The following PRR14L variants were observed in gnomAD, a reference collection of about 807,000 sequenced individuals.
PRR14L encodes protein PRR14L.
In PRR14L, 80 loss-of-function variants were observed where a neutral mutation model predicts 155.0. That is an observed-to-expected ratio of 0.52 (90% CI 0.43 to 0.62). PRR14L has a LOEUF of 0.62. PRR14L is among the 20% of genes least tolerant of loss of function. The probability of loss-of-function intolerance (pLI) is 0.00; values close to 1 mark genes in which losing one functional copy is unlikely to be tolerated. For synonymous variants in PRR14L, 883 were observed against 916.0 expected, an observed-to-expected ratio of 0.96 and a Z score of 0.65; for missense variants, 2,469 against 2,548.0, an observed-to-expected ratio of 0.97 and a Z score of 0.67.
rs2074468046 is a variant in PRR14L, at chr22:31,683,928, G to C, written c.*1599C>G. On this transcript the variant is annotated 3_prime_UTR_variant, in exon 9 of 9. Coordinates refer to ENST00000327423, the MANE Select transcript of PRR14L (RefSeq NM_173566.3). ...ATAGACTGACTTGGAAATGTCCCTA[G>C]AACTCTGACGGTTCCCATCGGCGGC... 6.6e-6 allele frequency: 1 copy of C among 152,164 alleles called. No individual in the cohort carries two copies. The highest frequency in any genetic ancestry group is 2.4e-5 in the African/African-American group (1 of 41,432). 9.4% of individuals were successfully genotyped at this position (152,164 alleles called of 1,614,324 possible). A position where few individuals can be genotyped will look rare whatever the true frequency, so the allele number is the denominator to read the frequency against.
intron 3 of PRR14L, among the ~76,000 whole-genome samples, chr22:31,721,714 G>C (rs959110536): frequency 2.0e-5 from 3 of 152,102 alleles, no homozygotes; most frequent in African/African-American, 7.2e-5. Context: ...CTACCATACA[G>C]AAAAGACAAA....
intron 2 of PRR14L, 74 bp downstream of exon 2, chr22:31,738,313 T>G: frequency 8.3e-7 from 1 of 1,205,318 alleles, no homozygotes; most frequent in Non-Finnish European, 1.2e-6. Flanking sequence ...GAGCCAACCG[T>G]CAGCATCTGT....
chr22:31,697,301 C>CAAAAAA, intron 7 of PRR14L, among the ~76,000 whole-genome samples: 1 of 58,600 alleles, frequency 1.7e-5, no homozygotes, highest in South Asian at 6.7e-4. Flanking sequence ...TACTCTGTCT[C>CAAAAAA]AAAAAAAAAA....
At chr22:31,740,365 GTGTGC>G (rs1484056736) in intron 1 of PRR14L, among the ~76,000 whole-genome samples, 1 of 152,150 alleles carries the variant, frequency 6.6e-6, no homozygotes, top group Non-Finnish European at 1.5e-5. Flanking sequence ...GACTACAGGC[GTGTGC>G]CACCACGCCC....
intron 4 of PRR14L, among the ~76,000 whole-genome samples, chr22:31,711,201 T>C (rs2074619213): frequency 6.6e-6 from 1 of 152,156 alleles, no homozygotes; most frequent in Non-Finnish European, 1.5e-5. Context: ...CAGCTGGGTG[T>C]GGTGGCTACC....
chr22:31,732,073 G>A (rs1233834914), intron 2 of PRR14L, among the ~76,000 whole-genome samples: 1 of 152,096 alleles, frequency 6.6e-6, no homozygotes, highest in Non-Finnish European at 1.5e-5. Flanking sequence ...CATTCTTTCA[G>A]GATAGGTAAT....
At chr22:31,745,241 G>C (rs1026626817) in intron 1 of PRR14L, among the ~76,000 whole-genome samples, 1 of 152,188 alleles carries the variant, frequency 6.6e-6, no homozygotes, top group Non-Finnish European at 1.5e-5. Flanking sequence ...GCCGGGTGTG[G>C]TGAGGGGCGC....
chr22:31,688,465 C>A (rs1601490176), intron 7 of PRR14L, among the ~76,000 whole-genome samples: 1 of 152,014 alleles, frequency 6.6e-6, no homozygotes, highest in South Asian at 2.1e-4. Flanking sequence ...TGCACAGCCT[C>A]ATGTTCTCCT....
chr22:31,694,221 G>A (rs1045850211), intron 7 of PRR14L, among the ~76,000 whole-genome samples: 7 of 152,214 alleles, frequency 4.6e-5, no homozygotes, highest in Admixed American at 1.3e-4. Flanking sequence ...AGGTTGCGAT[G>A]AGCCAAGATC....
chr22:31,699,760 AG>A (rs1433780389), intron 7 of PRR14L, among the ~76,000 whole-genome samples: 18 of 152,218 alleles, frequency 1.2e-4, no homozygotes, highest in Middle Eastern at 6.3e-3. Flanking sequence ...CAGAAAAGTC[AG>A]GAAGAATGAT....
intron 2 of PRR14L, among the ~76,000 whole-genome samples, chr22:31,727,296 C>A (rs1429390623): frequency 6.7e-6 from 1 of 148,320 alleles, no homozygotes; most frequent in Non-Finnish European, 1.5e-5. Context: ...TGCAGTGGTG[C>A]GATCTCGGCT....
rs1394722545 is a variant in PRR14L at position 31,733,391 on chromosome 22, G to GCCTTCCACCTTCCA, written c.474+4995_474+4996insTGGAAGGTGGAAGG. On this transcript the variant is annotated intron_variant, in intron 2 of 8. Coordinates refer to ENST00000327423, the MANE Select transcript of PRR14L (RefSeq NM_173566.3). ...GCCATCTTGGCTCACTGCAACCTCC[G>GCCTTCCACCTTCCA]CCTTTGGGGTTCAAGCGATTCTCCC... Among the ~76,000 whole-genome samples the GCCTTCCACCTTCCA allele has an allele frequency of 1.2e-4, 16 of 133,118 alleles. No individual in the cohort carries two copies. In the East Asian group the frequency reaches 2.2e-3, roughly 19 times the overall value. The allele number at this position is 133,118 out of a possible 152,430, so 87.3% of individuals were successfully genotyped here. A position where few individuals can be genotyped will look rare whatever the true frequency, so the allele number is the denominator to read the frequency against.
At chr22:31,687,384 AGCTCTG>A (rs1227626659) in intron 8 of PRR14L, among the ~76,000 whole-genome samples, 1 of 130,230 alleles carries the variant, frequency 7.7e-6, no homozygotes, top group Non-Finnish European at 1.6e-5. Flanking sequence ...GACAGAGTCT[AGCTCTG>A]TTGCCCAGGC....
chr22:31,706,428 C>CTTTTTTTTTTTTT (rs771902267), intron 4 of PRR14L, among the ~76,000 whole-genome samples: 4,917 of 140,766 alleles, frequency 0.035, 168 homozygotes, highest in Admixed American at 0.052. Context: ...TAAACTCTTC[C>CTTTTTTTTTTTTT]TTTTTCTTTT....
intron 6 of PRR14L, 91 bp from the exon 7 acceptor site, chr22:31,701,853 G>A (rs2074564745): frequency 1.0e-6 from 1 of 993,748 alleles, no homozygotes; most frequent in Non-Finnish European, 1.5e-6. Context: ...TGTGGCCCAG[G>A]CTGGTGTGAA....
At position 31,715,569 on chromosome 22, in the gene PRR14L, C is replaced by G. The variant is rs1352892552; in HGVS notation, c.2270G>C (p.Arg757Thr). ...TGCTTCTCTCTTATTTGAGCGCAGC[C>G]TGGAATGTAGAGCTTTTGTTCCTGA... ...ADSGTKALHS[R>T]LRSNKREAAG... Residue 757 changes from arginine (R) to threonine (T), a missense_variant, in exon 4 of 9, where the codon AGG (arginine) becomes ACG (threonine). This residue lies in a region of PRR14L where 2,363 missense variants were observed against 2,371.6 expected (regional missense o/e 1.00). Coordinates refer to ENST00000327423, the MANE Select transcript of PRR14L (RefSeq NM_173566.3). 1.3e-5 allele frequency: 20 copies of G among 1,551,912 alleles called. No individual in the cohort carries two copies. Among genetic ancestry groups the G allele is most frequent in the Non-Finnish European group, 1.7e-5 (19 of 1,147,066 alleles).
chr22:31,696,869 C>G (rs1318958320), intron 7 of PRR14L, among the ~76,000 whole-genome samples: 1 of 152,060 alleles, frequency 6.6e-6, no homozygotes, highest in African/African-American at 2.4e-5. Flanking sequence ...AATCCCAGCA[C>G]TTTGGGAGGC....
chr22:31,710,979 A>C (rs1425979973), intron 4 of PRR14L, among the ~76,000 whole-genome samples: 2 of 152,228 alleles, frequency 1.3e-5, no homozygotes, highest in African/African-American at 2.4e-5. Context: ...GCAGGGGTTC[A>C]TAAACCATAT....
chr22:31,698,060 C>CTTT (rs71184519), intron 7 of PRR14L, among the ~76,000 whole-genome samples: 1 of 148,768 alleles, frequency 6.7e-6, no homozygotes, highest in Non-Finnish European at 1.5e-5. Flanking sequence ...TGTTGTAATT[C>CTTT]TTTTTTTTTT....
Sources: allele counts gnomAD v4.1 joint callset (sites outside exome capture counted in the v4.1 genomes callset), GRCh38; gene constraint gnomAD v4.1.1; regional missense constraint gnomAD v4.1.1; transcripts MANE v1.5; gene names NCBI Gene and HGNC (gene_info 2026-07-23, HGNC 2026-07-21).